The following RALGAPA1 variants were observed in gnomAD, a reference collection of about 807,000 sequenced individuals.
RALGAPA1 encodes Ral GTPase activating protein catalytic subunit alpha 1.
RALGAPA1 carries 52 observed loss-of-function variants against 269.6 expected under a neutral mutation model. The ratio of observed to expected loss-of-function variants is 0.19; its 90% CI spans 0.15 to 0.24. The LOEUF (loss-of-function observed/expected upper bound fraction) is 0.24, where lower values mean the gene tolerates loss of function less well. Ranked by LOEUF, RALGAPA1 falls within the 10% of genes least tolerant of loss-of-function variation. The pLI is 1.00. For missense variants in RALGAPA1, 1,917 were observed against 3,013.9 expected (o/e 0.64, Z 8.52); for synonymous variants, 817 against 1,008.3 (o/e 0.81, Z 3.60).
At chr14:35,757,004 A>G in intron 6 of RALGAPA1, 96 bp from the exon 7 acceptor site, 1 of 1,098,662 alleles carries the variant, frequency 9.1e-7, no homozygotes, top group Non-Finnish European at 1.2e-6. Flanking sequence ...TGAGTATGCA[A>G]TGAAAATTGC....
intron 1 of RALGAPA1, among the ~76,000 whole-genome samples, chr14:35,802,290 A>C (rs2077034712): frequency 1.3e-5 from 2 of 152,182 alleles, no homozygotes; most frequent in Admixed American, 1.3e-4. Context: ...CCTGGGCAAC[A>C]GAGTGAGACT....
chr14:35,674,763 C>T (rs1595086034), intron 22 of RALGAPA1, 54 bp from the exon 23 acceptor site: 1 of 828,134 alleles, frequency 1.2e-6, no homozygotes, highest in Non-Finnish European at 1.9e-6. Context: ...GAACATAAAA[C>T]CCCCCAAGAA....
intron 35 of RALGAPA1, among the ~76,000 whole-genome samples, chr14:35,617,064 C>A (rs1406199588): frequency 2.0e-5 from 3 of 152,108 alleles, no homozygotes; most frequent in Non-Finnish European, 4.4e-5. Flanking sequence ...GGACATGCTA[C>A]AGGGTTCTGT....
intron 21 of RALGAPA1, among the ~76,000 whole-genome samples, chr14:35,682,305 GTTT>G (rs943991657): frequency 6.9e-6 from 1 of 144,042 alleles, no homozygotes. Flanking sequence ...TCAGTGTGTG[GTTT>G]TTTTTTTTTT....
chr14:35,570,667 A>G lies in RALGAPA1; in HGVS notation c.7446T>C (p.Ala2482=). ...KVLPIMVRAT[A]INASRALKSL... The stretch of plus-strand genomic sequence containing the variant: ...ATTTCAGAGCACGGCTTGCATTTAT[A>G]GCTGTTGCTCTAACCATAATGGGTA... Residue 2482 remains alanine (A), a synonymous_variant, in exon 39 of 42, where the codon GCT becomes GCC. Coordinates refer to ENST00000680220, the MANE Select transcript of RALGAPA1 (RefSeq NM_001346249.2). 1 of 1,610,958 alleles carries G rather than the reference A, an allele frequency of 6.2e-7. No individual in the cohort carries two copies. Among genetic ancestry groups the G allele is most frequent in the Non-Finnish European group, 8.5e-7 (1 of 1,179,088 alleles).
chr14:35,627,156 G>A lies in RALGAPA1; in HGVS notation c.6791C>T (p.Pro2264Leu), dbSNP rs140406088. ...VEQDEPIPQK[P>L]QSAFYYCRLL... is the part of the protein sequence containing the mutation. Reference sequence around the variant, plus strand: ...TCTGCAATAATAAAATGCTGACTGAGGTTTTTGAGGTATTGGTTCATCTTG... The same window carrying A: ...TCTGCAATAATAAAATGCTGACTGAAGTTTTTGAGGTATTGGTTCATCTTG... The change falls in exon 34 of 42, where the codon CCT becomes CTT. Residue 2264 changes from proline to leucine, a missense_variant. Coordinates refer to ENST00000680220, the MANE Select transcript of RALGAPA1 (RefSeq NM_001346249.2). The A allele has an allele frequency of 0.015, 23,414 of 1,569,210 alleles. 340 individuals are homozygous for A. The highest frequency in any genetic ancestry group is 0.07 in the East Asian group (3,119 of 44,640).
chr14:35,674,387 T>C, intron 23 of RALGAPA1, 109 bp from the exon 24 acceptor site: 1 of 1,240,526 alleles, frequency 8.1e-7, no homozygotes, highest in Non-Finnish European at 1.1e-6. Context: ...TTAATTACAA[T>C]TAAGTGACTT....
chr14:35,678,245 CATA>C, intron 21 of RALGAPA1, 143 bp from the exon 22 acceptor site: 1 of 671,128 alleles, frequency 1.5e-6, no homozygotes, highest in South Asian at 2.2e-5. Context: ...TCAAGAAAAT[CATA>C]ATATTATACA....
intron 11 of RALGAPA1, among the ~76,000 whole-genome samples, chr14:35,740,071 AC>A (rs2071404801): frequency 1.3e-5 from 2 of 152,100 alleles, no homozygotes; most frequent in African/African-American, 4.8e-5. Flanking sequence ...ACGGTGTGTT[AC>A]CTTTCCCATT....
At chr14:35,638,342 G>C (rs924230306) in intron 31 of RALGAPA1, among the ~76,000 whole-genome samples, 7 of 152,248 alleles carry the variant, frequency 4.6e-5, no homozygotes, top group Middle Eastern at 3.4e-3. Context: ...TTAATATGTA[G>C]AGTTGTTATT....
At chr14:35,766,075 C>G in intron 4 of RALGAPA1, 1 of 1,233,282 alleles carries the variant, frequency 8.1e-7, no homozygotes, top group Non-Finnish European at 1.2e-6. Context: ...GTTGCCATAT[C>G]GGCATTCACA....
At chr14:35,585,270 A>G (rs2058208063) in intron 37 of RALGAPA1, among the ~76,000 whole-genome samples, 1 of 152,258 alleles carries the variant, frequency 6.6e-6, no homozygotes, top group Non-Finnish European at 1.5e-5. Context: ...TCAAAAGAAC[A>G]GAAATCATAA....
At chr14:35,752,258 T>C (rs2072783165) in intron 7 of RALGAPA1, 96 bp from the exon 8 acceptor site, 2 of 1,284,572 alleles carry the variant, frequency 1.6e-6, no homozygotes, top group Non-Finnish European at 2.1e-6. Flanking sequence ...AAGGTTGCAA[T>C]ACACTGAACT....
At position 35,700,209 on chromosome 14, in the gene RALGAPA1, G is replaced by T; in HGVS notation, c.2360C>A (p.Pro787His). ...SAPVLIHTSK[P>H]FLPDIVLTPL... Reference sequence around the variant, plus strand: ...AGTGAGAACAATATCAGGCAAGAAGGGTTTGGAAGTATGGATCAGAACAGG... The same window carrying T: ...AGTGAGAACAATATCAGGCAAGAAGTGTTTGGAAGTATGGATCAGAACAGG... Residue 787 changes from proline to histidine, a missense_variant, in exon 17 of 42, where the codon CCC becomes CAC. This residue lies in a region of RALGAPA1 where 125 missense variants were observed against 155.7 expected (regional missense o/e 0.80). Coordinates refer to ENST00000680220, the MANE Select transcript of RALGAPA1 (RefSeq NM_001346249.2). The T allele has an allele frequency of 6.5e-7, 1 of 1,535,766 alleles. No homozygotes were observed. The highest frequency in any genetic ancestry group is 8.7e-7 in the Non-Finnish European group (1 of 1,146,776).
chr14:35,651,088 C>T (rs2062802128), intron 31 of RALGAPA1, among the ~76,000 whole-genome samples: 1 of 151,910 alleles, frequency 6.6e-6, no homozygotes, highest in Non-Finnish European at 1.5e-5. Context: ...AAAAAATAGA[C>T]ATAATAACAG....
At chr14:35,803,397 T>C (rs1411306636) in intron 1 of RALGAPA1, among the ~76,000 whole-genome samples, 1 of 152,022 alleles carries the variant, frequency 6.6e-6, no homozygotes, top group African/African-American at 2.4e-5. Context: ...GAAAAAAGCA[T>C]AGAAGAAAAT....
intron 35 of RALGAPA1, among the ~76,000 whole-genome samples, chr14:35,609,221 CG>C (rs1473393610): frequency 1.2e-4 from 18 of 148,730 alleles, no homozygotes; most frequent in African/African-American, 4.2e-4. Context: ...AGCGACACTC[CG>C]TCTCAAAAAA....
At chr14:35,686,136 A>G (rs901354153) in intron 19 of RALGAPA1, among the ~76,000 whole-genome samples, 2 of 150,422 alleles carry the variant, frequency 1.3e-5, no homozygotes, top group Non-Finnish European at 3.0e-5. Flanking sequence ...TTTAAATTAT[A>G]TATTAGATTA....
In RALGAPA1 at chr14:35,683,666, C is replaced by T. The variant is rs528515553; in HGVS notation, c.4471+143G>A. 1.4e-5 allele frequency: 9 copies of T among 626,922 alleles called. No individual in the cohort carries two copies. The South Asian group carries it at 3.1e-4, about 22-fold the overall frequency. The allele number at this position is 626,922 out of a possible 1,614,324, so 38.8% of individuals were successfully genotyped here. A position where few individuals can be genotyped will look rare whatever the true frequency, so the allele number is the denominator to read the frequency against. On this transcript the variant is annotated intron_variant, in intron 21 of 41. Transcript: ENST00000680220. ...AGGTCAAGAAACTAATGTCTTTTCT[C>T]CCCTTCATTGTTACATAAAGATGAA...
Sources: gnomAD v4.1 joint callset for allele counts (sites outside exome capture counted in the v4.1 genomes callset) on GRCh38, gnomAD v4.1.1 for gene constraint, gnomAD v4.1.1 regional missense constraint, MANE v1.5 for transcripts, NCBI Gene and HGNC (gene_info 2026-07-23, HGNC 2026-07-21) for gene names.